The following RICTOR variants were observed in gnomAD, a reference collection of about 807,000 sequenced individuals.
RICTOR encodes the protein rapamycin-insensitive companion of mTOR.
In RICTOR, 49 loss-of-function variants were observed where a neutral mutation model predicts 214.9. The observed-to-expected ratio is 0.23, with a 90% CI of 0.18 to 0.29. The LOEUF is 0.29. Ranked by LOEUF, RICTOR falls within the 10% of genes least tolerant of loss-of-function variation. The probability of loss-of-function intolerance (pLI) is 1.00; values close to 1 mark genes in which losing one functional copy is unlikely to be tolerated. For missense variants in RICTOR, 1,625 were observed against 2,047.0 expected, an observed-to-expected ratio of 0.79 and a Z score of 3.98; for synonymous variants, 717 against 711.3, an observed-to-expected ratio of 1.01 and a Z score of -0.13.
rs1462558694 is a variant in RICTOR at position 38,958,838 on chromosome 5, G to T, written c.2179-7C>A. The stretch of plus-strand genomic sequence containing the variant: ...TTGCATAGAGTCTGCAGGCCTATAA[G>T]GATAAATGAATACATTAAAAAAAAA... On this transcript the variant is annotated splice_polypyrimidine_tract_variant and splice_region_variant and intron_variant, in intron 22 of 37. Transcript: ENST00000357387. 4.6e-6 allele frequency: 7 copies of T among 1,519,002 alleles called. No individual in the cohort carries two copies. The highest frequency in any genetic ancestry group is 1.4e-5 in the African/African-American group (1 of 69,828). The allele number at this position is 1,519,002 out of a possible 1,614,324, so 94.1% of individuals were successfully genotyped here.
chr5:39,011,438 C>T (rs1169356619), intron 3 of RICTOR, among the ~76,000 whole-genome samples: 1 of 152,166 alleles, frequency 6.6e-6, no homozygotes, highest in African/African-American at 2.4e-5. Flanking sequence ...ACACAAAGTC[C>T]CCACTGGGTA....
At chr5:39,011,803 G>A (rs1009086677) in intron 3 of RICTOR, among the ~76,000 whole-genome samples, 3 of 152,148 alleles carry the variant, frequency 2.0e-5, no homozygotes, top group Admixed American at 1.3e-4. Context: ...TTTACCCAAT[G>A]CCTGTACCCT....
chr5:38,986,337 T>C (rs1036911712), intron 7 of RICTOR, among the ~76,000 whole-genome samples: 2 of 152,142 alleles, frequency 1.3e-5, no homozygotes, highest in Admixed American at 6.5e-5. Flanking sequence ...TCAAATAACC[T>C]TTTTTCTTCA....
At chr5:38,982,302 C>T (rs1461398219) in intron 7 of RICTOR, among the ~76,000 whole-genome samples, 1 of 152,016 alleles carries the variant, frequency 6.6e-6, no homozygotes, top group Non-Finnish European at 1.5e-5. Flanking sequence ...CTATCAGTTG[C>T]AGGGAGTTCT....
intron 2 of RICTOR, among the ~76,000 whole-genome samples, chr5:39,026,931 C>T (rs966863993): frequency 2.6e-5 from 4 of 151,964 alleles, no homozygotes; most frequent in Admixed American, 2.0e-4. Flanking sequence ...TCACTTGAAC[C>T]CGGGAAACGG....
intron 2 of RICTOR, among the ~76,000 whole-genome samples, chr5:39,043,331 G>C (rs1396082014): frequency 6.6e-6 from 1 of 152,094 alleles, no homozygotes; most frequent in Admixed American, 6.5e-5. Context: ...CTTATCATTT[G>C]CAACAACATG....
intron 3 of RICTOR, among the ~76,000 whole-genome samples, chr5:39,006,807 T>C (rs114337538): frequency 0.033 from 4,378 of 132,658 alleles, 228 homozygotes; most frequent in East Asian, 0.26. Context: ...CCAAACAGAA[T>C]AGGGTAGGAG....
chr5:38,990,718 G>GATATATATATATC (rs1446713320), intron 7 of RICTOR, among the ~76,000 whole-genome samples: 1 of 15,954 alleles, frequency 6.3e-5, no homozygotes, highest in African/African-American at 1.7e-4. Flanking sequence ...TGATATATAT[G>GATATATATATATC]ATATATATCA....
At position 38,947,254 on chromosome 5, in the gene RICTOR, A is replaced by T; in HGVS notation, c.4314+10T>A. 1 of 1,586,046 alleles carries T rather than the reference A, an allele frequency of 6.3e-7. No individual in the cohort carries two copies. The highest frequency in any genetic ancestry group is 8.6e-7 in the Non-Finnish European group (1 of 1,160,806). On this transcript the variant is annotated intron_variant, in intron 32 of 37. Transcript: ENST00000357387. ...AACTCATAGGAAAACAATAAAATGT[A>T]TGATAATACCTGGAATATATCATTT...
intron 2 of RICTOR, among the ~76,000 whole-genome samples, chr5:39,026,211 C>A (rs1327648326): frequency 6.6e-6 from 1 of 152,132 alleles, no homozygotes; most frequent in Non-Finnish European, 1.5e-5. Flanking sequence ...GACACAGTTG[C>A]TCACACCTGT....
chr5:38,959,333 A>C lies in RICTOR; in HGVS notation c.2052-12T>G. ...AAAGATTAAGGAGACTTAAAAGAAA[A>C]AAAAAATAAGAATGGTTAAAAGAAA... On this transcript the variant is annotated splice_polypyrimidine_tract_variant and intron_variant, in intron 21 of 37. Coordinates refer to ENST00000357387, the MANE Select transcript of RICTOR (RefSeq NM_152756.5). The C allele has an allele frequency of 6.9e-7, 1 of 1,442,410 alleles. No individual in the cohort carries two copies. Among genetic ancestry groups the C allele is most frequent in the South Asian group, 1.3e-5 (1 of 75,752 alleles). The allele number at this position is 1,442,410 out of a possible 1,614,324, so 89.4% of individuals were successfully genotyped here.
At chr5:39,045,386 C>T (rs564436183) in intron 2 of RICTOR, among the ~76,000 whole-genome samples, 2 of 152,096 alleles carry the variant, frequency 1.3e-5, no homozygotes, top group African/African-American at 4.8e-5. Flanking sequence ...TTGAACAACC[C>T]TTTCTAAGAC....
chr5:38,991,115 A>G, intron 6 of RICTOR, 40 bp from the exon 7 acceptor site: 1 of 1,471,510 alleles, frequency 6.8e-7, no homozygotes, highest in South Asian at 1.3e-5. Context: ...TACTTTAGTA[A>G]TACATTTCTT....
intron 16 of RICTOR, among the ~76,000 whole-genome samples, chr5:38,963,847 G>A (rs1228821823): frequency 6.6e-6 from 1 of 151,746 alleles, no homozygotes; most frequent in African/African-American, 2.4e-5. Flanking sequence ...TAATATAAAA[G>A]CTAAAAGCTA....
chr5:39,063,493 T>C (rs1758687916), intron 2 of RICTOR, among the ~76,000 whole-genome samples: 1 of 152,200 alleles, frequency 6.6e-6, no homozygotes. Context: ...GCTACTCTTT[T>C]ATGCAAAGGT....
At position 38,985,057 on chromosome 5, in the gene RICTOR, C is replaced by T. The variant is rs557741787; in HGVS notation, c.584-3021G>A. 1.1e-4 allele frequency among the ~76,000 whole-genome samples: 16 copies of T among 152,174 alleles called. No homozygotes were observed. The East Asian group carries it at 1.9e-3, about 18-fold the overall frequency. On this transcript the variant is annotated intron_variant, in intron 7 of 37. Coordinates refer to ENST00000357387, the MANE Select transcript of RICTOR (RefSeq NM_152756.5). Reference sequence around the variant, plus strand: ...CGATCTCTTGACCTCGTGATCCACCCGCCTCGGCCTCCCAAAGTGCTGGGA... The same window carrying T: ...CGATCTCTTGACCTCGTGATCCACCTGCCTCGGCCTCCCAAAGTGCTGGGA...
intron 2 of RICTOR, among the ~76,000 whole-genome samples, chr5:39,061,252 C>T (rs991328923): frequency 1.4e-5 from 2 of 141,020 alleles, no homozygotes; most frequent in African/African-American, 5.3e-5. Flanking sequence ...TATTTGCAAA[C>T]ACTTACCAAA....
intron 3 of RICTOR, among the ~76,000 whole-genome samples, chr5:39,008,527 T>C (rs976956256): frequency 3.3e-5 from 5 of 152,062 alleles, no homozygotes; most frequent in African/African-American, 1.2e-4. Context: ...TAATTTTGTA[T>C]TGAAATTATT....
At position 39,062,155 on chromosome 5, in the gene RICTOR, C is replaced by A. The variant is rs186871370; in HGVS notation, c.97+11956G>T. Reference sequence around the variant, plus strand: ...ACAGTAATACGTCACTCTAAATAAACAAGGTAGGAAATAGCTTAGTATTCA... The same window carrying A: ...ACAGTAATACGTCACTCTAAATAAAAAAGGTAGGAAATAGCTTAGTATTCA... On this transcript the variant is annotated intron_variant, in intron 2 of 37. Transcript: ENST00000357387. Among the ~76,000 whole-genome samples the A allele has an allele frequency of 7.3e-4, 111 of 152,078 alleles. 1 individual carries two copies. The East Asian group carries it at 0.02, about 28-fold the overall frequency.
Sources: allele counts gnomAD v4.1 joint callset (sites outside exome capture counted in the v4.1 genomes callset), GRCh38; gene constraint gnomAD v4.1.1; transcripts MANE v1.5; gene names NCBI Gene and HGNC (gene_info 2026-07-23, HGNC 2026-07-21).